The following RIMKLB variants were observed in gnomAD, a reference collection of about 807,000 sequenced individuals.
RIMKLB encodes beta-citrylglutamate synthase B.
A neutral mutation model predicts 32.0 loss-of-function variants in RIMKLB; 7 were observed. That is an observed-to-expected ratio of 0.22 (90% CI 0.12 to 0.41). RIMKLB has a LOEUF of 0.41. RIMKLB is among the 10% of genes least tolerant of loss of function. RIMKLB has a pLI of 1.00. For missense variants in RIMKLB, 289 were observed against 498.7 expected (o/e 0.58, Z 4.00); for synonymous variants, 172 against 185.1 (o/e 0.93, Z 0.57).
intron 1 of RIMKLB, among the ~76,000 whole-genome samples, chr12:8,691,928 AT>A (rs1327292518): frequency 6.6e-6 from 1 of 152,034 alleles, no homozygotes; most frequent in East Asian, 1.9e-4. Flanking sequence ...TGGTTTGCAT[AT>A]TATCATTTCT....
upstream of RIMKLB, among the ~76,000 whole-genome samples, chr12:8,694,052 G>A (rs1387196080): frequency 1.3e-5 from 2 of 151,948 alleles, no homozygotes; most frequent in African/African-American, 4.8e-5. Context: ...AGGCCAGCCT[G>A]GCCAACATGG....
intron 1 of RIMKLB, among the ~76,000 whole-genome samples, chr12:8,707,570 C>T (rs1944005137): frequency 6.6e-6 from 1 of 152,106 alleles, no homozygotes; most frequent in African/African-American, 2.4e-5. Context: ...AACCACTGGC[C>T]ACTGGTGATC....
chr12:8,719,616 G>A (rs746344071), intron 2 of RIMKLB, among the ~76,000 whole-genome samples: 9 of 152,058 alleles, frequency 5.9e-5, no homozygotes, highest in African/African-American at 2.2e-4. Context: ...TGATCCGCCC[G>A]CCTCGGCCTA....
chr12:8,765,585 G>A (rs192837142), intron 5 of RIMKLB, among the ~76,000 whole-genome samples: 2 of 152,060 alleles, frequency 1.3e-5, no homozygotes, highest in Admixed American at 6.6e-5. Flanking sequence ...AATTTGCCCC[G>A]GTCTATTTTA....
At chr12:8,697,666 G>A, upstream of RIMKLB, 1 of 280,918 alleles carries the variant, frequency 3.6e-6, no homozygotes, top group Non-Finnish European at 7.7e-6. Context: ...CGTCCTCGGA[G>A]CGCCCTCGCG....
At chr12:8,715,983 G>A (rs1180489602) in intron 2 of RIMKLB, among the ~76,000 whole-genome samples, 2 of 152,140 alleles carry the variant, frequency 1.3e-5, no homozygotes, top group African/African-American at 4.8e-5. Context: ...ATTGAAATTG[G>A]AGTCAGAAAC....
At chr12:8,752,663 A>G (rs779531674) in intron 4 of RIMKLB, among the ~76,000 whole-genome samples, 38 of 152,372 alleles carry the variant, frequency 2.5e-4, no homozygotes, top group African/African-American at 9.1e-4. Context: ...ACACTTTACA[A>G]GATGGCATAT....
upstream of RIMKLB, among the ~76,000 whole-genome samples, chr12:8,680,449 G>A (rs1942387435): frequency 6.6e-6 from 1 of 152,304 alleles, no homozygotes; most frequent in East Asian, 1.9e-4. Flanking sequence ...GTGAGCCACC[G>A]CGCCCAGCCA....
At chr12:8,682,665 G>A (rs907857736) in intron 1 of RIMKLB, among the ~76,000 whole-genome samples, 6 of 151,818 alleles carry the variant, frequency 4.0e-5, no homozygotes, top group Non-Finnish European at 8.8e-5. Flanking sequence ...CCAGCTACTC[G>A]GGAGGCTGAG....
intron 3 of RIMKLB, among the ~76,000 whole-genome samples, chr12:8,750,983 T>A (rs912597104): frequency 2.6e-5 from 4 of 152,122 alleles, no homozygotes; most frequent in Admixed American, 6.6e-5. Flanking sequence ...CTCTCCTTAT[T>A]GTTAATATTT....
upstream of RIMKLB, among the ~76,000 whole-genome samples, chr12:8,695,397 A>G (rs2136602823): frequency 6.6e-6 from 1 of 152,316 alleles, no homozygotes; most frequent in African/African-American, 2.4e-5. Flanking sequence ...GACTGAATGT[A>G]TGTACAGCCT....
At chr12:8,740,350 T>G (rs1054503561) in intron 2 of RIMKLB, among the ~76,000 whole-genome samples, 2 of 152,222 alleles carry the variant, frequency 1.3e-5, no homozygotes, top group Non-Finnish European at 2.9e-5. Context: ...TTTTACAGTG[T>G]TTTTTATTTC....
Position 8,776,869 on chromosome 12 carries a change from C to T in RIMKLB, c.*3085C>T. The stretch of plus-strand genomic sequence containing the variant: ...TATTGAAGGCATTGACTTTGAAAAT[C>T]ATCTCTTTTTCTCAAGAAGAAAGCA... On this transcript the variant is annotated 3_prime_UTR_variant, in exon 6 of 6. Coordinates refer to ENST00000535829, the MANE Select transcript of RIMKLB (RefSeq NM_001297776.2). 3.0e-6 allele frequency: 3 copies of T among 985,768 alleles called. No individual in the cohort carries two copies. The highest frequency in any genetic ancestry group is 3.6e-6 in the Non-Finnish European group (3 of 829,890). The allele number at this position is 985,768 out of a possible 1,614,324, so 61.1% of individuals were successfully genotyped here. A position where few individuals can be genotyped will look rare whatever the true frequency, so the allele number is the denominator to read the frequency against.
At chr12:8,684,734 C>T (rs73053848) in intron 1 of RIMKLB, among the ~76,000 whole-genome samples, 32,584 of 152,142 alleles carry the variant, frequency 0.21, 4,292 homozygotes, top group Non-Finnish European at 0.3. Context: ...GATTCTCTCA[C>T]CTCGGTCTCC....
At chr12:8,748,519 C>CATGT (rs1948308853) in intron 2 of RIMKLB, among the ~76,000 whole-genome samples, 1 of 131,278 alleles carries the variant, frequency 7.6e-6, no homozygotes, top group Non-Finnish European at 1.6e-5. Context: ...TGGGATTATT[C>CATGT]GTGTGTGTGT....
rs369858388 is a variant in RIMKLB, at chr12:8,749,889, C to T, written c.203C>T (p.Thr68Ile). 1.2e-6 allele frequency: 2 copies of T among 1,609,844 alleles called. No homozygotes were observed. Among genetic ancestry groups the T allele is most frequent in the Non-Finnish European group, 8.5e-7 (1 of 1,176,422 alleles). Residue 68 changes from threonine (T) to isoleucine (I), a missense_variant, in exon 3 of 6, where the codon ACT (threonine) becomes ATT (isoleucine). By Grantham distance (89) the Thr-to-Ile change is moderately conservative. Coordinates refer to ENST00000535829, the MANE Select transcript of RIMKLB (RefSeq NM_001297776.2). ...LGLRINGELI[T>I]AYPQVVVVRV... is the part of the protein sequence containing the mutation. ...CTGCGGATCAATGGAGAGCTAATCA[C>T]TGCCTACCCACAAGTGGTGGTAGTC...
intron 2 of RIMKLB, among the ~76,000 whole-genome samples, chr12:8,731,053 C>G (rs1464113491): frequency 1.3e-5 from 2 of 148,240 alleles, no homozygotes; most frequent in East Asian, 4.1e-4. Flanking sequence ...ATGCAGCTTT[C>G]TTGATTGGGC....
the RIMKLB span, among the ~76,000 whole-genome samples, chr12:8,674,580 C>T: frequency 5.3e-5 from 8 of 151,924 alleles, no homozygotes; most frequent in Non-Finnish European, 7.4e-5. Flanking sequence ...TCCGGCGTCT[C>T]GCCCTGTTGC....
intron 1 of RIMKLB, among the ~76,000 whole-genome samples, chr12:8,702,733 A>C (rs1943512151): frequency 6.6e-6 from 1 of 152,216 alleles, no homozygotes; most frequent in South Asian, 2.1e-4. Context: ...TGGAGTTCTC[A>C]GTTGTTAGTT....
Sources: allele counts gnomAD v4.1 joint callset (sites outside exome capture counted in the v4.1 genomes callset), GRCh38; gene constraint gnomAD v4.1.1; transcripts MANE v1.5; gene names NCBI Gene and HGNC (gene_info 2026-07-23, HGNC 2026-07-21).